Variants in ZMAT4 observed in about 807,000 individuals in gnomAD.
The protein encoded by ZMAT4 is zinc finger matrin-type 4.
ZMAT4 carries 17 observed loss-of-function variants against 28.7 expected under a neutral mutation model. The ratio of observed to expected loss-of-function variants is 0.59; its 90% CI spans 0.41 to 0.89. ZMAT4 has a LOEUF of 0.89. Ranked by LOEUF, ZMAT4 falls within the 40% of genes least tolerant of loss-of-function variation. ZMAT4 has a pLI of 0.00. For missense variants in ZMAT4, 240 were observed against 283.8 expected, an observed-to-expected ratio of 0.85 and a Z score of 1.11; for synonymous variants, 117 against 109.2, an observed-to-expected ratio of 1.07 and a Z score of -0.44.
At chr8:40,877,499 T>C (rs1818080793) in intron 1 of ZMAT4, among the ~76,000 whole-genome samples, 1 of 152,200 alleles carries the variant, frequency 6.6e-6, no homozygotes, top group Non-Finnish European at 1.5e-5. Context: ...CAGGAGCTAA[T>C]TTAATTCAGC....
intron 1 of ZMAT4, among the ~76,000 whole-genome samples, chr8:40,843,246 T>A (rs1346138966): frequency 6.6e-6 from 1 of 152,210 alleles, no homozygotes. Flanking sequence ...TTTATAAATA[T>A]GAATCAAGTC....
chr8:40,592,209 C>G (rs1210565483), intron 5 of ZMAT4, among the ~76,000 whole-genome samples: 1 of 152,146 alleles, frequency 6.6e-6, no homozygotes, highest in Admixed American at 6.5e-5. Flanking sequence ...GAAATCACAA[C>G]AGTTTGCCAT....
intron 6 of ZMAT4, among the ~76,000 whole-genome samples, chr8:40,575,103 T>G (rs1264339268): frequency 5.3e-5 from 8 of 152,122 alleles, no homozygotes; most frequent in Non-Finnish European, 5.9e-5. Context: ...CCCTGGCTGC[T>G]CAAGGCTGAG....
chr8:40,875,715 T>C (rs367865821), intron 1 of ZMAT4, among the ~76,000 whole-genome samples: 3 of 151,956 alleles, frequency 2.0e-5, no homozygotes, highest in East Asian at 3.9e-4. Flanking sequence ...GTCATGCTAC[T>C]CCCCCAGGAA....
chr8:40,763,454 C>CAT (rs1257569029), intron 3 of ZMAT4, among the ~76,000 whole-genome samples: 2 of 152,112 alleles, frequency 1.3e-5, no homozygotes, highest in African/African-American at 4.8e-5. Flanking sequence ...AAAGATCACT[C>CAT]ATATATATAA....
chr8:40,782,703 A>G (rs1225392043), intron 2 of ZMAT4, among the ~76,000 whole-genome samples: 1 of 152,160 alleles, frequency 6.6e-6, no homozygotes, highest in Non-Finnish European at 1.5e-5. Context: ...CAATCAGAAC[A>G]AGGGATTTAT....
intron 4 of ZMAT4, among the ~76,000 whole-genome samples, chr8:40,696,620 G>C (rs1172029892): frequency 6.6e-6 from 1 of 152,050 alleles, no homozygotes; most frequent in African/African-American, 2.4e-5. Flanking sequence ...CAAATCATCG[G>C]TTATCAATAT....
At chr8:40,599,010 T>C (rs1275489707) in intron 5 of ZMAT4, among the ~76,000 whole-genome samples, 1 of 152,192 alleles carries the variant, frequency 6.6e-6, no homozygotes, top group African/African-American at 2.4e-5. Context: ...GTTTTAAATA[T>C]AAGATTTTCT....
At chr8:40,627,353 A>C (rs1026021449) in intron 5 of ZMAT4, among the ~76,000 whole-genome samples, 1 of 152,190 alleles carries the variant, frequency 6.6e-6, no homozygotes, top group African/African-American at 2.4e-5. Flanking sequence ...ATGCTTAAGC[A>C]AAAGATAAGT....
intron 4 of ZMAT4, among the ~76,000 whole-genome samples, chr8:40,682,735 C>G (rs1734431592): frequency 6.6e-6 from 1 of 152,168 alleles, no homozygotes; most frequent in Non-Finnish European, 1.5e-5. Context: ...ACAGAAGTTG[C>G]TTCTTTACCC....
chr8:40,568,843 C>T (rs1804005176), intron 6 of ZMAT4, among the ~76,000 whole-genome samples: 1 of 152,104 alleles, frequency 6.6e-6, no homozygotes, highest in Admixed American at 6.6e-5. Context: ...TTCTTGATGG[C>T]TCCAGGCAGA....
intron 5 of ZMAT4, among the ~76,000 whole-genome samples, chr8:40,664,786 A>G (rs1288919567): frequency 6.6e-6 from 1 of 152,216 alleles, no homozygotes; most frequent in Non-Finnish European, 1.5e-5. Context: ...GTTACCTTAT[A>G]AATCTTTTTT....
At chr8:40,813,444 A>C (rs1239709719) in intron 2 of ZMAT4, among the ~76,000 whole-genome samples, 1 of 152,278 alleles carries the variant, frequency 6.6e-6, no homozygotes, top group African/African-American at 2.4e-5. Flanking sequence ...TTCATAGCTA[A>C]GACCTGCTCT....
intron 3 of ZMAT4, among the ~76,000 whole-genome samples, chr8:40,730,693 C>A (rs1026703490): frequency 1.1e-4 from 16 of 152,088 alleles, no homozygotes; most frequent in Non-Finnish European, 1.3e-4. Flanking sequence ...CCCAGGGAAA[C>A]AACTCCCCTC....
At chr8:40,742,212 C>A (rs986387729) in intron 3 of ZMAT4, among the ~76,000 whole-genome samples, 2 of 151,902 alleles carry the variant, frequency 1.3e-5, no homozygotes, top group African/African-American at 4.8e-5. Context: ...CATACCACCG[C>A]ACTCCAGCCT....
At chr8:40,791,160 C>T (rs1304283090) in intron 2 of ZMAT4, among the ~76,000 whole-genome samples, 1 of 152,086 alleles carries the variant, frequency 6.6e-6, no homozygotes, top group Non-Finnish European at 1.5e-5. Context: ...AACTGTGTAA[C>T]CTAAAATAAT....
At chr8:40,683,073 T>G (rs1159614004) in intron 4 of ZMAT4, among the ~76,000 whole-genome samples, 1 of 152,184 alleles carries the variant, frequency 6.6e-6, no homozygotes, top group Non-Finnish European at 1.5e-5. Context: ...TACTGATAGA[T>G]TCCAGGTACC....
At chr8:40,867,334 G>A (rs1435700101) in intron 1 of ZMAT4, among the ~76,000 whole-genome samples, 1 of 152,136 alleles carries the variant, frequency 6.6e-6, no homozygotes, top group Non-Finnish European at 1.5e-5. Context: ...TCTGGGCCAC[G>A]TGCAGCTGGT....
chr8:40,820,145 T>TGC (rs1235174379), intron 2 of ZMAT4, among the ~76,000 whole-genome samples: 1 of 150,264 alleles, frequency 6.7e-6, no homozygotes, highest in African/African-American at 2.4e-5. Flanking sequence ...TCCATGTGTG[T>TGC]GTATATGCGA....
Sources: gnomAD v4.1 joint callset for allele counts (sites outside exome capture counted in the v4.1 genomes callset) on GRCh38, gnomAD v4.1.1 for gene constraint, MANE v1.5 for transcripts, NCBI Gene and HGNC (gene_info 2026-07-23, HGNC 2026-07-21) for gene names.